The following SNTG1 variants were observed in gnomAD, a reference collection of about 807,000 sequenced individuals.
SNTG1 encodes syntrophin gamma 1, also known as gamma-1-syntrophin.
Under a neutral mutation model 74.7 loss-of-function variants are expected in SNTG1, and 39 were observed. The ratio of observed to expected loss-of-function variants is 0.52; its 90% confidence interval spans 0.40 to 0.68. The LOEUF (loss-of-function observed/expected upper bound fraction) is 0.68, where lower values mean the gene tolerates loss of function less well. Ranked by LOEUF, SNTG1 falls within the 30% of genes least tolerant of loss-of-function variation. SNTG1 has a pLI of 0.00. For synonymous variants in SNTG1, 254 were observed against 217.1 expected (o/e 1.17, Z -1.49); for missense variants, 685 against 609.5 (o/e 1.12, Z -1.30).
chr8:50,739,704 G>T (rs1043705704), intron 17 of SNTG1, among the ~76,000 whole-genome samples: 41 of 151,716 alleles, frequency 2.7e-4, no homozygotes, highest in African/African-American at 9.4e-4. Flanking sequence ...AATACAACGT[G>T]GCGGCATCAC....
At chr8:50,278,885 G>T (rs2088273803) in intron 2 of SNTG1, among the ~76,000 whole-genome samples, 1 of 151,948 alleles carries the variant, frequency 6.6e-6, no homozygotes, top group Non-Finnish European at 1.5e-5. Context: ...TATTAGACTG[G>T]CATTTACTGC....
intron 8 of SNTG1, among the ~76,000 whole-genome samples, chr8:50,461,256 G>T (rs1474647935): frequency 1.3e-5 from 2 of 150,444 alleles, no homozygotes; most frequent in Non-Finnish European, 3.0e-5. Flanking sequence ...GAGTGAAATT[G>T]CCATTCTTAT....
At chr8:50,658,482 A>G (rs766368192) in intron 14 of SNTG1, 110 bp from the exon 15 acceptor site, 1 of 649,338 alleles carries the variant, frequency 1.5e-6, no homozygotes, top group Non-Finnish European at 2.6e-6. Context: ...ATGAGAGACT[A>G]GATACATCTG....
chr8:49,934,651 A>G (rs959918508), intron 1 of SNTG1, among the ~76,000 whole-genome samples: 3 of 152,214 alleles, frequency 2.0e-5, no homozygotes, highest in African/African-American at 7.2e-5. Flanking sequence ...AATAAAGGTA[A>G]TAATTGCCAT....
intron 1 of SNTG1, among the ~76,000 whole-genome samples, chr8:49,919,864 A>G (rs1288424973): frequency 1.3e-5 from 2 of 152,056 alleles, no homozygotes; most frequent in African/African-American, 2.4e-5. Context: ...ATCTTGAAGA[A>G]GTAAAACTCC....
intron 1 of SNTG1, among the ~76,000 whole-genome samples, chr8:50,076,896 GT>G (rs1181127197): frequency 3.3e-5 from 5 of 152,126 alleles, no homozygotes; most frequent in African/African-American, 1.2e-4. Context: ...GTAGATTTAA[GT>G]TAAAATTATG....
intron 17 of SNTG1, among the ~76,000 whole-genome samples, chr8:50,716,899 A>T (rs1208517471): frequency 1.3e-5 from 2 of 148,488 alleles, no homozygotes; most frequent in Admixed American, 1.3e-4. Context: ...TGCCCGGCTA[A>T]TTTTTTTTTT....
chr8:49,946,427 A>T (rs1238483615), intron 1 of SNTG1, among the ~76,000 whole-genome samples: 1 of 152,208 alleles, frequency 6.6e-6, no homozygotes, highest in East Asian at 1.9e-4. Flanking sequence ...TGGTGGTGGG[A>T]TATATACACA....
At position 50,074,766 on chromosome 8, in the gene SNTG1, G is replaced by A. The variant is rs61123961; in HGVS notation, c.-102-97795G>A. 8.4e-3 allele frequency among the ~76,000 whole-genome samples: 1,276 copies of A among 152,304 alleles called. 26 individuals carry two copies. The highest frequency in any genetic ancestry group is 0.029 in the African/African-American group (1,205 of 41,566). On this transcript the variant is annotated intron_variant, in intron 1 of 18. Transcript: ENST00000642720. ...AGGTGCCCACTCTGGCCGCACTTGA[G>A]GAGCCCTTCAGCCCACTGCTGCACT...
intron 1 of SNTG1, among the ~76,000 whole-genome samples, chr8:50,087,011 AT>A (rs1822952101): frequency 6.6e-6 from 1 of 152,118 alleles, no homozygotes; most frequent in African/African-American, 2.4e-5. Flanking sequence ...TTGTTCTTTT[AT>A]TTGTTTCACA....
At chr8:50,537,047 T>A (rs1345964556) in intron 11 of SNTG1, among the ~76,000 whole-genome samples, 1 of 152,208 alleles carries the variant, frequency 6.6e-6, no homozygotes, top group Non-Finnish European at 1.5e-5. Context: ...ACTCAATAGA[T>A]AGTTTTATTA....
intron 2 of SNTG1, among the ~76,000 whole-genome samples, chr8:50,177,001 G>A (rs555508131): frequency 1.3e-5 from 2 of 152,202 alleles, no homozygotes; most frequent in African/African-American, 2.4e-5. Context: ...GCAGGTAAAG[G>A]CCATTGGCAG....
intron 1 of SNTG1, among the ~76,000 whole-genome samples, chr8:50,002,430 T>A (rs1814827555): frequency 6.6e-6 from 1 of 152,160 alleles, no homozygotes; most frequent in South Asian, 2.1e-4. Flanking sequence ...TTTCTGTGAG[T>A]TGGTTTATAT....
chr8:50,431,091 T>C (rs1319247971), intron 4 of SNTG1, among the ~76,000 whole-genome samples: 1 of 152,164 alleles, frequency 6.6e-6, no homozygotes, highest in African/African-American at 2.4e-5. Flanking sequence ...ACATTCGTAA[T>C]GTAGTTCAAG....
chr8:50,282,115 A>G (rs1490119401), intron 2 of SNTG1, among the ~76,000 whole-genome samples: 3 of 152,130 alleles, frequency 2.0e-5, no homozygotes, highest in African/African-American at 7.2e-5. Flanking sequence ...CAGTCTAACC[A>G]TAAGATAAAC....
intron 1 of SNTG1, among the ~76,000 whole-genome samples, chr8:49,990,342 G>A (rs147383462): frequency 3.2e-4 from 49 of 151,962 alleles, no homozygotes; most frequent in African/African-American, 1.1e-3. Flanking sequence ...ATGGCAACAC[G>A]TCCCATATTG....
chr8:50,167,129 G>A (rs1389589673), intron 1 of SNTG1, among the ~76,000 whole-genome samples: 1 of 117,428 alleles, frequency 8.5e-6, no homozygotes, highest in East Asian at 2.8e-4. Flanking sequence ...TGGTGGGGTC[G>A]GGGGAGGGGG....
At chr8:50,208,689 G>C (rs2084364486) in intron 2 of SNTG1, among the ~76,000 whole-genome samples, 1 of 152,184 alleles carries the variant, frequency 6.6e-6, no homozygotes, top group Non-Finnish European at 1.5e-5. Context: ...TGTTTTTGCA[G>C]TGGCTGGTAC....
intron 11 of SNTG1, among the ~76,000 whole-genome samples, chr8:50,551,973 G>T (rs1413748239): frequency 6.6e-6 from 1 of 152,080 alleles, no homozygotes; most frequent in Admixed American, 6.6e-5. Flanking sequence ...ATGCTCTATG[G>T]GGTTTTCTTT....
Sources: allele counts gnomAD v4.1 joint callset (sites outside exome capture counted in the v4.1 genomes callset), GRCh38; gene constraint gnomAD v4.1.1; transcripts MANE v1.5; gene names NCBI Gene and HGNC (gene_info 2026-07-23, HGNC 2026-07-21).